The following LIPK variants were observed in gnomAD, a reference collection of about 807,000 sequenced individuals.
LIPK encodes lipase member K.
LIPK carries 32 observed loss-of-function variants against 48.6 expected under a neutral mutation model. The observed-to-expected ratio is 0.66, with a 90% CI of 0.50 to 0.88. The LOEUF is 0.88. LIPK is among the 40% of genes least tolerant of loss of function. The pLI is 0.00. For missense variants in LIPK, 507 were observed against 478.5 expected (o/e 1.06, Z -0.56); for synonymous variants, 164 against 157.4 (o/e 1.04, Z -0.32).
rs550344249 is a variant in LIPK, at chr10:88,739,592, A to G, written c.817-404A>G. On this transcript the variant is annotated intron_variant, in intron 7 of 9. Coordinates refer to ENST00000404190, the MANE Select transcript of LIPK (RefSeq NM_001080518.2). ...GAAAAGACGCCAGGTGCAGTGGCTC[A>G]CACCTGTAATCCCAGCACTTTGGGA... Among the ~76,000 whole-genome samples, 6 of 152,188 alleles carry G rather than the reference A, an allele frequency of 3.9e-5. No homozygotes were observed. In the South Asian group the frequency reaches 1.2e-3, roughly 32 times the overall value.
intron 3 of LIPK, among the ~76,000 whole-genome samples, chr10:88,729,256 G>GGGGC (rs1554955637): frequency 1.4e-4 from 16 of 112,082 alleles, no homozygotes; most frequent in Non-Finnish European, 2.9e-4. Context: ...ATCTGTTGGG[G>GGGGC]GGGGGGGGCG....
At chr10:88,750,463 G>A (rs1842845206) in intron 9 of LIPK, among the ~76,000 whole-genome samples, 1 of 152,114 alleles carries the variant, frequency 6.6e-6, no homozygotes, top group South Asian at 2.1e-4. Context: ...GGAATACTAT[G>A]CAGCTATTGA....
At chr10:88,732,024 C>T (rs1223207591) in intron 4 of LIPK, among the ~76,000 whole-genome samples, 154 bp from the exon 5 acceptor site, 1 of 152,112 alleles carries the variant, frequency 6.6e-6, no homozygotes, top group Non-Finnish European at 1.5e-5. Context: ...AAGGTGACAC[C>T]CTTAAAAGTT....
intron 3 of LIPK, chr10:88,727,706 G>A (rs1014819979): frequency 5.7e-5 from 11 of 194,372 alleles, no homozygotes; most frequent in Admixed American, 3.4e-4. Flanking sequence ...TGGGGCTGGT[G>A]ATATGGGAGG....
Position 88,724,676 on chromosome 10 carries a change from T to G in LIPK, c.105+28T>G, listed in dbSNP as rs368393341. 4.0e-5 allele frequency: 57 copies of G among 1,442,756 alleles called. No homozygotes were observed. In the East Asian group the frequency reaches 5.1e-4, roughly 13 times the overall value. The allele number at this position is 1,442,756 out of a possible 1,614,324, so 89.4% of individuals were successfully genotyped here. A position where few individuals can be genotyped will look rare whatever the true frequency, so the allele number is the denominator to read the frequency against. On this transcript the variant is annotated intron_variant, in intron 2 of 9. Coordinates refer to ENST00000404190, the MANE Select transcript of LIPK (RefSeq NM_001080518.2). ...AAGTCATTTATTCAGAAAAAAATGC[T>G]AAAATAAGGAATTATTCATATTTCA...
At chr10:88,724,700 C>G in intron 2 of LIPK, 52 bp downstream of exon 2, 1 of 1,319,588 alleles carries the variant, frequency 7.6e-7, no homozygotes, top group Non-Finnish European at 1.0e-6. Flanking sequence ...ATTCATATTT[C>G]AGCATTTTAG....
At chr10:88,743,365 C>A in intron 9 of LIPK, 44 bp downstream of exon 9, 1 of 1,408,454 alleles carries the variant, frequency 7.1e-7, no homozygotes, top group African/African-American at 1.4e-5. Context: ...TGCAAATGAA[C>A]TAACAAAAAT....
chr10:88,730,686 A>C (rs539793051), intron 3 of LIPK, among the ~76,000 whole-genome samples: 9 of 152,188 alleles, frequency 5.9e-5, no homozygotes, highest in Non-Finnish European at 8.8e-5. Flanking sequence ...AGATAGGTTA[A>C]CTGAGGCACA....
At chr10:88,749,420 G>A (rs1842825854) in intron 9 of LIPK, among the ~76,000 whole-genome samples, 1 of 152,162 alleles carries the variant, frequency 6.6e-6, no homozygotes, top group African/African-American at 2.4e-5. Flanking sequence ...CAGACACATA[G>A]ACCAATGGAA....
At chr10:88,718,683 G>A (rs1374992677) in intron 1 of LIPK, among the ~76,000 whole-genome samples, 1 of 152,052 alleles carries the variant, frequency 6.6e-6, no homozygotes, top group East Asian at 1.9e-4. Context: ...GTAAGACCCA[G>A]TGAAAAGAAA....
intron 2 of LIPK, among the ~76,000 whole-genome samples, chr10:88,726,329 T>C (rs900255089): frequency 6.6e-6 from 1 of 152,212 alleles, no homozygotes; most frequent in South Asian, 2.1e-4. Context: ...TCTTAAATTA[T>C]CCTCATAGGA....
chr10:88,749,770 C>CAAAAATTTCATGATAAAGGTG (rs71022538), intron 9 of LIPK, among the ~76,000 whole-genome samples: 3 of 151,754 alleles, frequency 2.0e-5, no homozygotes, highest in Non-Finnish European at 2.9e-5. Context: ...GATAAAGATG[C>CAAAAATTTCATGATAAAGGTG]CAAAAGTAAT....
chr10:88,724,756 C>CT, intron 2 of LIPK, 108 bp downstream of exon 2: 1 of 693,892 alleles, frequency 1.4e-6, no homozygotes, highest in South Asian at 2.0e-5. Context: ...CCTCCAGTGA[C>CT]TAAGTCTGTG....
At chr10:88,734,652 A>G (rs979231968) in intron 6 of LIPK, among the ~76,000 whole-genome samples, 24 of 152,186 alleles carry the variant, frequency 1.6e-4, no homozygotes, top group Non-Finnish European at 5.9e-5. Flanking sequence ...GAGAATCATT[A>G]TGGAGTTATT....
At chr10:88,723,979 A>G (rs1842284261) in intron 1 of LIPK, among the ~76,000 whole-genome samples, 1 of 152,158 alleles carries the variant, frequency 6.6e-6, no homozygotes, top group Non-Finnish European at 1.5e-5. Flanking sequence ...CTGTCTTAAG[A>G]TATATAATAA....
chr10:88,727,556 G>A (rs987179883), intron 3 of LIPK: 10 of 159,100 alleles, frequency 6.3e-5, no homozygotes, highest in Middle Eastern at 3.0e-3. Flanking sequence ...GTCCATCAGG[G>A]TGACCCAGAA....
intron 1 of LIPK, among the ~76,000 whole-genome samples, chr10:88,717,527 C>A (rs1842141690): frequency 6.6e-6 from 1 of 152,182 alleles, no homozygotes; most frequent in Non-Finnish European, 1.5e-5. Context: ...GAAAGGCCCA[C>A]ACTATAGGTC....
Position 88,731,294 on chromosome 10 carries a change from G to A in LIPK, c.422+113G>A, listed in dbSNP as rs369386790. ...CAAATGCACCCAATGGAATCCACAA[G>A]AAGGAAACAAACCTTTCTTTCTCTA... On this transcript the variant is annotated intron_variant, in intron 4 of 9. Transcript: ENST00000404190. The A allele has an allele frequency of 4.9e-5, 43 of 884,414 alleles. No homozygotes were observed. In the African/African-American group the frequency reaches 6.4e-4, roughly 13 times the overall value. 54.8% of individuals were successfully genotyped at this position (884,414 alleles called of 1,614,324 possible).
At chr10:88,747,068 G>A (rs1185702587) in intron 9 of LIPK, among the ~76,000 whole-genome samples, 1 of 152,074 alleles carries the variant, frequency 6.6e-6, no homozygotes, top group Non-Finnish European at 1.5e-5. Flanking sequence ...AAATCAGGAA[G>A]CAATTGAAAT....
Sources: allele counts gnomAD v4.1 joint callset (sites outside exome capture counted in the v4.1 genomes callset), GRCh38; gene constraint gnomAD v4.1.1; transcripts MANE v1.5; gene names NCBI Gene and HGNC (gene_info 2026-07-23, HGNC 2026-07-21).